CCDC73: variants seen among roughly 807,000 people sequenced by gnomAD.
CCDC73 encodes coiled-coil domain containing 73.
CCDC73 carries 95 observed loss-of-function variants against 116.5 expected under a neutral mutation model. The observed-to-expected ratio is 0.82, with a 90% confidence interval of 0.69 to 0.97. The LOEUF (loss-of-function observed/expected upper bound fraction) is 0.97, where lower values mean the gene tolerates loss of function less well. Ranked by LOEUF, CCDC73 falls within the 50% of genes least tolerant of loss-of-function variation. CCDC73 has a pLI of 0.00. For synonymous variants in CCDC73, 398 were observed against 401.3 expected (o/e 0.99, Z 0.10); for missense variants, 1,066 against 1,206.8 (o/e 0.88, Z 1.73).
In CCDC73 at chr11:32,615,925, T is replaced by C; in HGVS notation, c.1375+15A>G. On this transcript the variant is annotated intron_variant, in intron 15 of 17. Coordinates refer to ENST00000335185, the MANE Select transcript of CCDC73 (RefSeq NM_001008391.4). ...ACATACAAATTAGAAAATATCAATA[T>C]AATTTTAAGGTTACCATCTATAATT... is the stretch of plus-strand genomic sequence containing the variant. The C allele has an allele frequency of 6.6e-7, 1 of 1,516,476 alleles. No homozygotes were observed. The highest frequency in any genetic ancestry group is 9.0e-7 in the Non-Finnish European group (1 of 1,117,142). 93.9% of individuals were successfully genotyped at this position (1,516,476 alleles called of 1,614,324 possible). A position where few individuals can be genotyped will look rare whatever the true frequency, so the allele number is the denominator to read the frequency against.
intron 2 of CCDC73, among the ~76,000 whole-genome samples, chr11:32,745,103 C>T (rs192733615): frequency 1.6e-3 from 247 of 152,184 alleles, no homozygotes; most frequent in African/African-American, 5.7e-3. Context: ...TGGTACATTG[C>T]GTCTTTGTTC....
At chr11:32,826,862 T>C in the CCDC73 span, among the ~76,000 whole-genome samples, 44 of 152,232 alleles carry the variant, frequency 2.9e-4, no homozygotes, top group South Asian at 8.7e-3. Flanking sequence ...TATAACATTA[T>C]TATTATTATA....
chr11:32,698,893 A>G (rs573771297), intron 6 of CCDC73, among the ~76,000 whole-genome samples: 1 of 152,348 alleles, frequency 6.6e-6, no homozygotes, highest in East Asian at 1.9e-4. Context: ...AAATAAGCAC[A>G]GTACTTAGCA....
chr11:32,697,333 TATA>T (rs1455632085), intron 6 of CCDC73, among the ~76,000 whole-genome samples: 2 of 152,008 alleles, frequency 1.3e-5, no homozygotes, highest in Non-Finnish European at 2.9e-5. Flanking sequence ...TTATACCTAG[TATA>T]ATAATTCAAT....
At chr11:32,676,694 A>T (rs1401686784) in intron 7 of CCDC73, among the ~76,000 whole-genome samples, 2 of 152,182 alleles carry the variant, frequency 1.3e-5, no homozygotes, top group Non-Finnish European at 2.9e-5. Flanking sequence ...TTGAGGTGGG[A>T]GGATTGCTTG....
At chr11:32,609,051 C>G (rs1003285093) in intron 17 of CCDC73, among the ~76,000 whole-genome samples, 1 of 152,138 alleles carries the variant, frequency 6.6e-6, no homozygotes, top group Non-Finnish European at 1.5e-5. Flanking sequence ...GAAGGGCTGC[C>G]GTGAAGACCT....
rs534085624 is a variant in CCDC73, at chr11:32,623,354, TTTTG to T, written c.1186-7229_1186-7226del. Among the ~76,000 whole-genome samples, 136 of 152,122 alleles carry T rather than the reference TTTTG, an allele frequency of 8.9e-4. 5 individuals carry two copies. In the South Asian group the frequency reaches 0.026, roughly 29 times the overall value. The stretch of plus-strand genomic sequence containing the variant: ...GGGGCAAAGCCAGACTGCCCTATGT[TTTTG>T]TTTGTTTATTTGTTTTGTGACAGGG... On this transcript the variant is annotated intron_variant, in intron 14 of 17. Transcript: ENST00000335185.
chr11:32,620,610 CA>C (rs57643752), intron 14 of CCDC73, among the ~76,000 whole-genome samples: 16,799 of 60,534 alleles, frequency 0.28, 422 homozygotes, highest in Middle Eastern at 0.35. Flanking sequence ...GACTCAGTCT[CA>C]AAAAAAAAAA....
At chr11:32,674,997 C>T (rs78050997) in intron 9 of CCDC73, among the ~76,000 whole-genome samples, 5,166 of 152,288 alleles carry the variant, frequency 0.034, 115 homozygotes, top group Non-Finnish European at 0.052. Flanking sequence ...AGCTTTTGCA[C>T]ATGCTATTCC....
chr11:32,819,232 C>T, the CCDC73 span, among the ~76,000 whole-genome samples: 11 of 150,912 alleles, frequency 7.3e-5, no homozygotes, highest in African/African-American at 2.2e-4. Flanking sequence ...TGAGTAACCT[C>T]TGTTATTCAA....
intron 1 of CCDC73, among the ~76,000 whole-genome samples, chr11:32,793,828 C>G (rs1392932218): frequency 6.6e-6 from 1 of 152,058 alleles, no homozygotes; most frequent in African/African-American, 2.4e-5. Flanking sequence ...CCAGGCTGGT[C>G]TCAAACTCCT....
chr11:32,733,445 C>A (rs1850097810), intron 2 of CCDC73, among the ~76,000 whole-genome samples: 1 of 152,196 alleles, frequency 6.6e-6, no homozygotes, highest in South Asian at 2.1e-4. Flanking sequence ...GAACTCTCCA[C>A]CCCAAATCGA....
the CCDC73 span, among the ~76,000 whole-genome samples, chr11:32,804,598 C>T: frequency 1.3e-5 from 2 of 152,194 alleles, no homozygotes; most frequent in African/African-American, 2.4e-5. Flanking sequence ...TGAACTATTC[C>T]TTTGTGCAAT....
At chr11:32,675,449 T>C (rs1034247046) in intron 9 of CCDC73, 116 bp downstream of exon 9, 16 of 599,206 alleles carry the variant, frequency 2.7e-5, no homozygotes, top group African/African-American at 2.5e-4. Flanking sequence ...GCATCTGTAT[T>C]GAAAACAATT....
intron 9 of CCDC73, among the ~76,000 whole-genome samples, chr11:32,658,708 A>C (rs1184996428): frequency 1.3e-5 from 2 of 152,216 alleles, no homozygotes; most frequent in African/African-American, 4.8e-5. Flanking sequence ...AGGCTATTAT[A>C]TTAATCCAGG....
At chr11:32,745,393 G>A (rs541905937) in intron 2 of CCDC73, among the ~76,000 whole-genome samples, 11 of 152,278 alleles carry the variant, frequency 7.2e-5, no homozygotes, top group East Asian at 3.9e-4. Flanking sequence ...GATTTGGGGC[G>A]GAGAGTTCTG....
chr11:32,654,039 T>C lies in CCDC73; in HGVS notation c.775-2A>G. On this transcript the variant is annotated splice_acceptor_variant, in intron 10 of 17. Coordinates refer to ENST00000335185, the MANE Select transcript of CCDC73 (RefSeq NM_001008391.4). LOFTEE classifies it high-confidence loss of function. Reference sequence around the variant, plus strand: ...AATCTTCTCATTTAATTCCAATTCCTTTAAAATTTGAATAGTTTTAAAGTT... The same window carrying C: ...AATCTTCTCATTTAATTCCAATTCCCTTAAAATTTGAATAGTTTTAAAGTT... 2 of 1,586,148 alleles carry C rather than the reference T, an allele frequency of 1.3e-6. No individual in the cohort carries two copies. Among genetic ancestry groups the C allele is most frequent in the Non-Finnish European group, 8.6e-7 (1 of 1,165,604 alleles).
rs189068645 is a variant in CCDC73, at chr11:32,766,926, C to T, written c.-15-6668G>A. ...TAATTTATAGATTCAATGCCATCCC[C>T]ATCAAACTACCAATGACTTTCTTCA... On this transcript the variant is annotated intron_variant, in intron 1 of 17. Coordinates refer to ENST00000335185, the MANE Select transcript of CCDC73 (RefSeq NM_001008391.4). Among the ~76,000 whole-genome samples, 4 of 152,312 alleles carry T rather than the reference C, an allele frequency of 2.6e-5. No individual in the cohort carries two copies. The East Asian group carries it at 7.7e-4, about 29-fold the overall frequency.
chr11:32,788,170 T>C (rs567496562), intron 1 of CCDC73, among the ~76,000 whole-genome samples: 39 of 152,196 alleles, frequency 2.6e-4, no homozygotes, highest in Non-Finnish European at 4.4e-4. Flanking sequence ...GCATTGATTA[T>C]ACTGAATTGA....
Sources: allele counts gnomAD v4.1 joint callset (sites outside exome capture counted in the v4.1 genomes callset), GRCh38; gene constraint gnomAD v4.1.1; transcripts MANE v1.5; gene names NCBI Gene and HGNC (gene_info 2026-07-23, HGNC 2026-07-21).